The following LRRTM4 variants were observed in gnomAD, a reference collection of about 807,000 sequenced individuals.
LRRTM4 encodes leucine-rich repeat transmembrane neuronal protein 4.
Under a neutral mutation model 47.6 loss-of-function variants are expected in LRRTM4, and 25 were observed. The observed-to-expected ratio is 0.53, with a 90% CI of 0.38 to 0.73. LRRTM4 has a LOEUF of 0.73. LRRTM4 is among the 30% of genes least tolerant of loss of function. The probability of loss-of-function intolerance (pLI) is 0.00; values close to 1 mark genes in which losing one functional copy is unlikely to be tolerated. For synonymous variants in LRRTM4, 311 were observed against 269.5 expected (o/e 1.15, Z -1.51); for missense variants, 638 against 713.4 (o/e 0.89, Z 1.20).
At chr2:77,128,261 T>G (rs1375897193) in intron 3 of LRRTM4, among the ~76,000 whole-genome samples, 1 of 152,146 alleles carries the variant, frequency 6.6e-6, no homozygotes, top group African/African-American at 2.4e-5. Context: ...AAATGGAAAT[T>G]AGAAAGTTCA....
At chr2:77,323,637 A>G (rs1442295797) in intron 3 of LRRTM4, among the ~76,000 whole-genome samples, 1 of 152,158 alleles carries the variant, frequency 6.6e-6, no homozygotes, top group Non-Finnish European at 1.5e-5. Flanking sequence ...GATTACCTCC[A>G]TTTCATAGCT....
At chr2:76,795,249 A>ACACACTTT (rs1491122009) in intron 3 of LRRTM4, among the ~76,000 whole-genome samples, 4,360 of 152,258 alleles carry the variant, frequency 0.029, no homozygotes, top group African/African-American at 0.086. Context: ...TACTTTAAAA[A>ACACACTTT]TCATTTTTAA....
At chr2:77,113,619 G>C (rs1434798784) in intron 3 of LRRTM4, among the ~76,000 whole-genome samples, 1 of 152,000 alleles carries the variant, frequency 6.6e-6, no homozygotes, top group Non-Finnish European at 1.5e-5. Flanking sequence ...AGGTCGGACC[G>C]GTATGAGAGT....
intron 3 of LRRTM4, among the ~76,000 whole-genome samples, chr2:77,355,967 C>T (rs142991293): frequency 1.3e-4 from 20 of 152,242 alleles, no homozygotes; most frequent in African/African-American, 4.6e-4. Flanking sequence ...ATGGCATGTG[C>T]CTGTAGTCCC....
intron 3 of LRRTM4, among the ~76,000 whole-genome samples, chr2:76,821,727 A>C (rs1325873658): frequency 6.6e-6 from 1 of 151,780 alleles, no homozygotes. Context: ...TACACTCAGC[A>C]AATGCTTATC....
At chr2:76,877,884 A>C (rs1424270756) in intron 3 of LRRTM4, among the ~76,000 whole-genome samples, 1 of 151,402 alleles carries the variant, frequency 6.6e-6, no homozygotes, top group East Asian at 2.0e-4. Context: ...GGTATTCCAG[A>C]AAGAGAGAAC....
chr2:77,278,592 G>A (rs1002760320), intron 3 of LRRTM4, among the ~76,000 whole-genome samples: 9 of 151,894 alleles, frequency 5.9e-5, no homozygotes, highest in Non-Finnish European at 1.2e-4. Context: ...GGAAGAATTG[G>A]CAAGAAAAAT....
chr2:77,358,800 C>G (rs576944168), intron 3 of LRRTM4, among the ~76,000 whole-genome samples: 2 of 152,188 alleles, frequency 1.3e-5, no homozygotes, highest in South Asian at 4.1e-4. Context: ...AATGCATTTT[C>G]TTACTAGTGA....
chr2:77,379,570 T>A (rs1355402775), intron 3 of LRRTM4, among the ~76,000 whole-genome samples: 1 of 152,174 alleles, frequency 6.6e-6, no homozygotes, highest in Non-Finnish European at 1.5e-5. Context: ...TAATTATTTA[T>A]AAATTTCACT....
At chr2:76,964,921 AC>A (rs1166699826) in intron 3 of LRRTM4, among the ~76,000 whole-genome samples, 2 of 150,974 alleles carry the variant, frequency 1.3e-5, no homozygotes, top group Admixed American at 6.6e-5. Context: ...ACAACTCTAT[AC>A]CCACAAATTT....
intron 3 of LRRTM4, among the ~76,000 whole-genome samples, chr2:76,982,086 C>T (rs1312570741): frequency 6.6e-6 from 1 of 151,960 alleles, no homozygotes; most frequent in Non-Finnish European, 1.5e-5. Context: ...AGTTCTTAAC[C>T]CTAGGCCATA....
intron 3 of LRRTM4, among the ~76,000 whole-genome samples, chr2:76,825,415 G>A (rs943431788): frequency 1.3e-5 from 2 of 151,602 alleles, no homozygotes; most frequent in African/African-American, 4.8e-5. Flanking sequence ...ATATACTGAC[G>A]AATTGGATGT....
chr2:77,033,474 G>A (rs1573478003), intron 3 of LRRTM4, among the ~76,000 whole-genome samples: 1 of 151,778 alleles, frequency 6.6e-6, no homozygotes, highest in Non-Finnish European at 1.5e-5. Context: ...TATCGGCCAT[G>A]GAGCTGTAAA....
intron 3 of LRRTM4, among the ~76,000 whole-genome samples, chr2:76,954,868 C>T (rs999189356): frequency 6.6e-6 from 1 of 151,660 alleles, no homozygotes; most frequent in East Asian, 1.9e-4. Flanking sequence ...TCAGCAGAAA[C>T]CTTGTGGGCC....
At chr2:76,832,858 G>C (rs1671393011) in intron 3 of LRRTM4, among the ~76,000 whole-genome samples, 1 of 152,024 alleles carries the variant, frequency 6.6e-6, no homozygotes, top group Admixed American at 6.6e-5. Context: ...TGGAGGACTA[G>C]GAAAAGTCAA....
chr2:76,881,052 G>A (rs1403276519), intron 3 of LRRTM4, among the ~76,000 whole-genome samples: 2 of 152,074 alleles, frequency 1.3e-5, no homozygotes, highest in Admixed American at 6.5e-5. Context: ...GGCTATAGTT[G>A]ACAGTGATTT....
At chr2:76,920,239 C>T (rs1882349) in intron 3 of LRRTM4, among the ~76,000 whole-genome samples, 151,101 of 152,226 alleles carry the variant, frequency 0.99, 74,992 homozygotes, top group Middle Eastern at 1. Flanking sequence ...CTTTTCTTTT[C>T]CTATAGAAAT....
At chr2:76,886,380 T>C (rs1673076881) in intron 3 of LRRTM4, among the ~76,000 whole-genome samples, 1 of 152,152 alleles carries the variant, frequency 6.6e-6, no homozygotes, top group Admixed American at 6.5e-5. Flanking sequence ...TAAATTTTCT[T>C]AAATACTCAT....
chr2:77,010,545 C>CAG lies in LRRTM4; in HGVS notation c.1552-261631_1552-261630dup, dbSNP rs1553444520. The stretch of plus-strand genomic sequence containing the variant: ...ACACACACACACACACACACACACA[C>CAG]AGTCTTTAACCATTCATCTGTTGAT... On this transcript the variant is annotated intron_variant, in intron 3 of 3. Coordinates refer to ENST00000409884, the MANE Select transcript of LRRTM4 (RefSeq NM_001134745.3). 8.3e-3 allele frequency among the ~76,000 whole-genome samples: 1,239 copies of CAG among 148,898 alleles called. 30 individuals are homozygous for CAG. The highest frequency in any genetic ancestry group is 0.028 in the South Asian group (134 of 4,714).
Sources: allele counts gnomAD v4.1 joint callset (sites outside exome capture counted in the v4.1 genomes callset), GRCh38; gene constraint gnomAD v4.1.1; transcripts MANE v1.5; gene names NCBI Gene and HGNC (gene_info 2026-07-23, HGNC 2026-07-21).